Variants in CCDC7 observed in about 807,000 individuals in gnomAD.
The protein encoded by CCDC7 is coiled-coil domain containing 7.
A neutral mutation model predicts 196.9 loss-of-function variants in CCDC7; 183 were observed. The ratio of observed to expected loss-of-function variants is 0.93; its 90% CI spans 0.82 to 1.05. CCDC7 has a LOEUF of 1.05. Among genes scored for constraint, CCDC7 ranks in the 50% least tolerant of loss-of-function variants. The pLI is 0.00. For synonymous variants in CCDC7, 525 were observed against 484.6 expected, an observed-to-expected ratio of 1.08 and a Z score of -1.10; for missense variants, 1,540 against 1,482.2, an observed-to-expected ratio of 1.04 and a Z score of -0.64.
intron 28 of CCDC7, among the ~76,000 whole-genome samples, chr10:32,741,884 T>A (rs994665720): frequency 5.9e-5 from 9 of 152,190 alleles, no homozygotes; most frequent in Admixed American, 2.6e-4. Flanking sequence ...CACATTTAAA[T>A]TTGTTATATC....
chr10:32,453,673 C>T (rs534783927), intron 2 of CCDC7, among the ~76,000 whole-genome samples: 1 of 151,934 alleles, frequency 6.6e-6, no homozygotes, highest in Non-Finnish European at 1.5e-5. Flanking sequence ...TAGGAATGAC[C>T]AACATTTTAA....
intron 29 of CCDC7, among the ~76,000 whole-genome samples, chr10:32,800,350 G>A (rs1036268129): frequency 2.0e-5 from 3 of 152,178 alleles, no homozygotes; most frequent in Non-Finnish European, 2.9e-5. Context: ...CAGTCAGGGA[G>A]CCAATGTGGA....
At chr10:32,495,567 A>G (rs994383033) in intron 9 of CCDC7, among the ~76,000 whole-genome samples, 14 of 152,170 alleles carry the variant, frequency 9.2e-5, no homozygotes, top group African/African-American at 3.4e-4. Context: ...TAATTTTTGT[A>G]TAAGGTGTAA....
intron 24 of CCDC7, among the ~76,000 whole-genome samples, chr10:32,704,422 G>T (rs113086235): frequency 0.043 from 6,475 of 152,168 alleles, 466 homozygotes; most frequent in African/African-American, 0.15. Flanking sequence ...TTTCCCTACT[G>T]GGGGGTGCCT....
chr10:32,767,913 A>T (rs984365030), intron 28 of CCDC7, among the ~76,000 whole-genome samples: 7 of 152,126 alleles, frequency 4.6e-5, no homozygotes, highest in Admixed American at 4.6e-4. Flanking sequence ...TAACAAAGAG[A>T]TTGAAGTAAT....
chr10:32,878,124 ACCTGTG>A (rs1316535286), downstream of CCDC7, among the ~76,000 whole-genome samples: 1 of 152,108 alleles, frequency 6.6e-6, no homozygotes, highest in East Asian at 1.9e-4. Context: ...AATATTCCAC[ACCTGTG>A]CCCTACAGTA....
chr10:32,834,320 TGACTATAAAGAC>T (rs757261624), intron 32 of CCDC7, among the ~76,000 whole-genome samples: 11 of 152,210 alleles, frequency 7.2e-5, no homozygotes, highest in Admixed American at 2.0e-4. Flanking sequence ...TAACTTTCTG[TGACTATAAAGAC>T]CATAGTTCAC....
At chr10:32,713,202 T>G (rs1306801315) in intron 25 of CCDC7, among the ~76,000 whole-genome samples, 2 of 152,248 alleles carry the variant, frequency 1.3e-5, no homozygotes, top group Admixed American at 6.5e-5. Context: ...TACCCCATAG[T>G]TGGTTTAGAA....
chr10:32,737,321 C>G (rs1052838680), intron 28 of CCDC7, among the ~76,000 whole-genome samples: 3 of 151,930 alleles, frequency 2.0e-5, no homozygotes, highest in East Asian at 3.9e-4. Context: ...TAGTTTTTTT[C>G]TTATAGTACC....
chr10:32,773,070 T>C (rs1019807991), intron 28 of CCDC7, among the ~76,000 whole-genome samples: 1 of 152,214 alleles, frequency 6.6e-6, no homozygotes, highest in Non-Finnish European at 1.5e-5. Flanking sequence ...ACTTCATTAA[T>C]TTTGATATGT....
At position 32,770,775 on chromosome 10, in the gene CCDC7, A is replaced by G. The variant is rs142817756; in HGVS notation, c.2906-8202A>G. Among the ~76,000 whole-genome samples the G allele has an allele frequency of 5.6e-4, 86 of 152,276 alleles. No individual in the cohort carries two copies. In the Middle Eastern group the frequency reaches 0.014, roughly 24 times the overall value. On this transcript the variant is annotated intron_variant, in intron 28 of 41. Coordinates refer to ENST00000639629, the Ensembl canonical transcript of CCDC7. The stretch of plus-strand genomic sequence containing the variant: ...TGCTAGGAGCTCCAGTGTTTGGTAC[A>G]TATAAATTTAGGATTGTAATATCTG...
chr10:32,576,128 T>C (rs1590086167), intron 16 of CCDC7, among the ~76,000 whole-genome samples: 1 of 152,028 alleles, frequency 6.6e-6, no homozygotes, highest in East Asian at 1.9e-4. Flanking sequence ...TCCATGGAGA[T>C]GAGCCAGATT....
intron 18 of CCDC7, among the ~76,000 whole-genome samples, chr10:32,602,229 G>A (rs111608881): frequency 0.1 from 15,604 of 151,756 alleles, 2,719 homozygotes; most frequent in African/African-American, 0.36. Flanking sequence ...GAAGGTCTGC[G>A]GCTTCACTCC....
At chr10:32,566,400 CAAT>C (rs1252034178) in intron 14 of CCDC7, among the ~76,000 whole-genome samples, 2 of 152,020 alleles carry the variant, frequency 1.3e-5, no homozygotes, top group Non-Finnish European at 2.9e-5. Context: ...CAAGTATGTA[CAAT>C]GTCATATGTT....
At chr10:32,878,649 G>GT (rs142631640), downstream of CCDC7, among the ~76,000 whole-genome samples, 1,199 of 152,192 alleles carry the variant, frequency 7.9e-3, 5 homozygotes, top group Middle Eastern at 0.02. Context: ...TTATGAGGTA[G>GT]TCAGATCTAA....
At chr10:32,544,850 C>T (rs1228406845) in intron 13 of CCDC7, among the ~76,000 whole-genome samples, 1 of 151,982 alleles carries the variant, frequency 6.6e-6, no homozygotes, top group Non-Finnish European at 1.5e-5. Context: ...TACATTTTGG[C>T]TTTTGAATAT....
intron 16 of CCDC7, among the ~76,000 whole-genome samples, chr10:32,577,556 A>T (rs2058339359): frequency 6.6e-6 from 1 of 152,128 alleles, no homozygotes; most frequent in South Asian, 2.1e-4. Context: ...TCAACAACTC[A>T]CCATCATTAT....
intron 18 of CCDC7, among the ~76,000 whole-genome samples, chr10:32,594,194 T>G (rs1482805419): frequency 6.6e-6 from 1 of 152,226 alleles, no homozygotes; most frequent in Non-Finnish European, 1.5e-5. Context: ...TGGAATGTTC[T>G]TCCATTTATT....
chr10:32,478,825 G>C (rs1239657722), intron 8 of CCDC7, among the ~76,000 whole-genome samples: 1 of 152,092 alleles, frequency 6.6e-6, no homozygotes, highest in Admixed American at 6.5e-5. Context: ...CATAGAATGA[G>C]TCAGGAAATG....
Sources: allele counts gnomAD v4.1 joint callset (sites outside exome capture counted in the v4.1 genomes callset), GRCh38; gene constraint gnomAD v4.1.1; transcripts MANE v1.5; gene names NCBI Gene and HGNC (gene_info 2026-07-23, HGNC 2026-07-21).